The following IL1RAP variants were observed in gnomAD, a reference collection of about 807,000 sequenced individuals.
IL1RAP encodes interleukin-1 receptor accessory protein.
Under a neutral mutation model 60.7 loss-of-function variants are expected in IL1RAP, and 35 were observed. That is an observed-to-expected ratio of 0.58 (90% CI 0.44 to 0.76). IL1RAP has a LOEUF of 0.76. Ranked by LOEUF, IL1RAP falls within the 30% of genes least tolerant of loss-of-function variation. The pLI, the probability that IL1RAP is intolerant of heterozygous loss-of-function variation, is 0.00. For synonymous variants in IL1RAP, 268 were observed against 250.9 expected (o/e 1.07, Z -0.64); for missense variants, 572 against 693.9 (o/e 0.82, Z 1.97).
chr3:190,617,859 T>C (rs1191308835), intron 5 of IL1RAP, among the ~76,000 whole-genome samples: 1 of 152,218 alleles, frequency 6.6e-6, no homozygotes, highest in Non-Finnish European at 1.5e-5. Context: ...AACAATGCCC[T>C]GAATTACCCT....
chr3:190,655,992 T>A, downstream of IL1RAP: 4 of 1,537,212 alleles, frequency 2.6e-6, no homozygotes, highest in Non-Finnish European at 3.5e-6. Flanking sequence ...TGCTGGAGTT[T>A]AAACTGGGTG....
rs193000519 is a variant in IL1RAP, at chr3:190,529,639, C to T, written c.-89+15420C>T. ...GGCGGAGGTTGCAGTGAGCCGAGAT[C>T]GCGCCACTGCACTCCAGCCTGGCGA... On this transcript the variant is annotated intron_variant, in intron 1 of 11. Coordinates refer to ENST00000447382, the MANE Select transcript of IL1RAP (RefSeq NM_002182.4). 8.1e-3 allele frequency among the ~76,000 whole-genome samples: 1,140 copies of T among 139,954 alleles called. 17 individuals carry two copies. Among genetic ancestry groups the T allele is most frequent in the African/African-American group, 0.03 (1,087 of 36,644 alleles). The allele number at this position is 139,954 out of a possible 152,430, so 91.8% of individuals were successfully genotyped here. A position where few individuals can be genotyped will look rare whatever the true frequency, so the allele number is the denominator to read the frequency against.
intron 3 of IL1RAP, among the ~76,000 whole-genome samples, chr3:190,569,765 T>C (rs930310016): frequency 7.9e-5 from 12 of 152,212 alleles, no homozygotes; most frequent in Admixed American, 2.0e-4. Flanking sequence ...ATTCTAAGTT[T>C]AGAAAAATGA....
At chr3:190,610,513 A>C (rs1247868346) in intron 5 of IL1RAP, among the ~76,000 whole-genome samples, 1 of 152,070 alleles carries the variant, frequency 6.6e-6, no homozygotes, top group African/African-American at 2.4e-5. Flanking sequence ...AAAAAATTAA[A>C]ATTAAAAAAA....
rs1301347076 is a variant in IL1RAP, at chr3:190,627,471, G to T, written c.902+22G>T. 3 of 1,604,194 alleles carry T rather than the reference G, an allele frequency of 1.9e-6. No individual in the cohort carries two copies. In the East Asian group the frequency reaches 6.7e-5, roughly 36 times the overall value. On this transcript the variant is annotated intron_variant, in intron 8 of 11. Transcript: ENST00000447382. ...AAAGGTATCATGGGGGCCAGCAAGG[G>T]AGTGATTAACCTTTGTTTCTCAACT...
chr3:190,584,598 A>C (rs746215900), intron 3 of IL1RAP, among the ~76,000 whole-genome samples: 2 of 152,200 alleles, frequency 1.3e-5, no homozygotes, highest in African/African-American at 2.4e-5. Context: ...TTTTTAATTT[A>C]CATTTATATA....
intron 6 of IL1RAP, among the ~76,000 whole-genome samples, chr3:190,620,713 G>A (rs777596067): frequency 7.2e-5 from 11 of 152,078 alleles, no homozygotes; most frequent in Non-Finnish European, 1.5e-4. Flanking sequence ...TTCAAATTCT[G>A]TCACTGCCAC....
chr3:190,616,741 G>C (rs1024672488), intron 5 of IL1RAP, among the ~76,000 whole-genome samples: 5 of 152,074 alleles, frequency 3.3e-5, no homozygotes, highest in African/African-American at 1.2e-4. Flanking sequence ...ATACTCATCA[G>C]CACTTATACA....
chr3:190,653,445 A>C (rs76226615), downstream of IL1RAP, among the ~76,000 whole-genome samples: 2,844 of 152,322 alleles, frequency 0.019, 95 homozygotes, highest in African/African-American at 0.065. Flanking sequence ...GCAATATTTG[A>C]AACCACATTC....
At chr3:190,566,238 C>T (rs1193240869) in intron 3 of IL1RAP, among the ~76,000 whole-genome samples, 2 of 152,154 alleles carry the variant, frequency 1.3e-5, no homozygotes, top group East Asian at 3.8e-4. Flanking sequence ...TGGTTGAATA[C>T]ATGTCCCTTT....
chr3:190,636,354 G>A (rs542143832), intron 9 of IL1RAP, among the ~76,000 whole-genome samples: 2 of 152,132 alleles, frequency 1.3e-5, no homozygotes, highest in South Asian at 2.1e-4. Flanking sequence ...TCTCTCTTCA[G>A]TTCTGCCAGT....
intron 1 of IL1RAP, among the ~76,000 whole-genome samples, chr3:190,552,640 C>A (rs1229597406): frequency 6.6e-6 from 1 of 152,048 alleles, no homozygotes; most frequent in Non-Finnish European, 1.5e-5. Flanking sequence ...TACAACTACA[C>A]CCAGTCCCCA....
At chr3:190,625,257 G>A (rs1333487912) in intron 7 of IL1RAP, 3 of 152,298 alleles carry the variant, frequency 2.0e-5, no homozygotes, top group East Asian at 3.9e-4. Flanking sequence ...CAGAAAAATT[G>A]TATGGAGTCC....
intron 1 of IL1RAP, among the ~76,000 whole-genome samples, chr3:190,533,500 C>T (rs1294076458): frequency 1.3e-5 from 2 of 152,230 alleles, no homozygotes; most frequent in Non-Finnish European, 2.9e-5. Context: ...TCCCTCCCCC[C>T]TGTGCTTCCC....
chr3:190,623,314 C>T (rs759564152), intron 6 of IL1RAP, 30 bp from the exon 7 acceptor site: 35 of 1,541,974 alleles, frequency 2.3e-5, no homozygotes, highest in African/African-American at 1.4e-4. Context: ...GATTTAACAT[C>T]ATCTCCCTTT....
At chr3:190,587,912 T>C (rs554884006) in intron 3 of IL1RAP, among the ~76,000 whole-genome samples, 10 of 152,280 alleles carry the variant, frequency 6.6e-5, no homozygotes, top group Admixed American at 6.5e-4. Context: ...GGCAATATCC[T>C]CTATATCTGG....
chr3:190,582,394 A>G (rs966810511), intron 3 of IL1RAP, among the ~76,000 whole-genome samples: 1 of 149,840 alleles, frequency 6.7e-6, no homozygotes, highest in Non-Finnish European at 1.5e-5. Context: ...ATCTCGGCTC[A>G]CTGCAACCTC....
chr3:190,560,287 TATGG>T (rs1725773962), intron 2 of IL1RAP, among the ~76,000 whole-genome samples: 1 of 152,208 alleles, frequency 6.6e-6, no homozygotes, highest in Non-Finnish European at 1.5e-5. Context: ...GTTGACCTTT[TATGG>T]GGATGGCCTT....
At chr3:190,639,009 T>G (rs1367521571) in intron 9 of IL1RAP, among the ~76,000 whole-genome samples, 1 of 152,136 alleles carries the variant, frequency 6.6e-6, no homozygotes, top group African/African-American at 2.4e-5. Flanking sequence ...TTTGTGCCCT[T>G]TATGTATTTG....
Sources: gnomAD v4.1 joint callset for allele counts (sites outside exome capture counted in the v4.1 genomes callset) on GRCh38, gnomAD v4.1.1 for gene constraint, MANE v1.5 for transcripts, NCBI Gene and HGNC (gene_info 2026-07-23, HGNC 2026-07-21) for gene names.